The following TTC38 variants were observed in gnomAD, a reference collection of about 807,000 sequenced individuals.
TTC38 encodes tetratricopeptide repeat domain 38, also known as tetratricopeptide repeat protein 38.
A neutral mutation model predicts 64.2 loss-of-function variants in TTC38; 64 were observed. The observed-to-expected ratio is 1.00, with a 90% CI of 0.81 to 1.23. The LOEUF is 1.23. TTC38 is among the 50% of genes most tolerant of loss of function. The probability of loss-of-function intolerance (pLI) is 0.00; values close to 1 mark genes in which losing one functional copy is unlikely to be tolerated. For missense variants in TTC38, 573 were observed against 615.5 expected (o/e 0.93, Z 0.73); for synonymous variants, 254 against 249.3 (o/e 1.02, Z -0.18).
intron 12 of TTC38, 132 bp from the exon 13 acceptor site, chr22:46,289,694 G>A (rs1014708169): frequency 2.6e-5 from 38 of 1,454,886 alleles, no homozygotes; most frequent in Middle Eastern, 1.8e-4. Flanking sequence ...CACTCCCGCC[G>A]TGTAAGTTCG....
Position 46,285,279 on chromosome 22 carries a change from C to T in TTC38, c.834C>T (p.His278=), listed in dbSNP as rs757920056. Reference sequence around the variant, plus strand: ...CCGCGCTGACCATCTACGATACCCACGTAAGTTGCATTCACACCGTGTTTG... The same window carrying T: ...CCGCGCTGACCATCTACGATACCCATGTAAGTTGCATTCACACCGTGTTTG... The part of the protein sequence containing the change: ...YEAALTIYDT[H]ILPSLQANDA... The change falls in exon 9 of 14, where the codon CAC becomes CAT. Residue 278 remains histidine, a splice_region_variant and synonymous_variant. Transcript: ENST00000381031. The T allele has an allele frequency of 1.6e-5, 26 of 1,614,006 alleles. No homozygotes were observed. Among genetic ancestry groups the T allele is most frequent in the South Asian group, 4.4e-5 (4 of 91,088 alleles).
intron 2 of TTC38, chr22:46,269,165 C>A: frequency 2.3e-6 from 1 of 430,444 alleles, no homozygotes; most frequent in Non-Finnish European, 4.8e-6. Context: ...GGGTGGACAG[C>A]GGTGGGTGCA....
At chr22:46,283,864 AAAAAAAAAAAAAAAG>A in intron 7 of TTC38, 94 bp from the exon 8 acceptor site, 1 of 614,592 alleles carries the variant, frequency 1.6e-6, no homozygotes, top group Non-Finnish European at 2.5e-6. Flanking sequence ...AAAAAAAAAA[AAAAAAAAAAAAAAAG>A]ATGATGGTTT....
At position 46,273,554 on chromosome 22, in the gene TTC38, G is replaced by A. The variant is rs1203182242; in HGVS notation, c.194-344G>A. 1.3e-5 allele frequency among the ~76,000 whole-genome samples: 2 copies of A among 152,244 alleles called. No homozygotes were observed. Among genetic ancestry groups the A allele is most frequent in the Admixed American group, 6.5e-5 (1 of 15,288 alleles). ...TGAGCAGCATCCACTGATGCCTCCC[G>A]GGAGCCGTGTGCTGGCTGTGGCGGT... On this transcript the variant is annotated intron_variant, in intron 3 of 13. Transcript: ENST00000381031. The surrounding 1 kb of genome is among the most constrained non-coding windows in gnomAD (Gnocchi z 5.1).
Position 46,291,419 on chromosome 22 carries a change from G to T in TTC38, c.1317-1372G>T, listed in dbSNP as rs1042024782. On this transcript the variant is annotated intron_variant, in intron 13 of 13. Transcript: ENST00000381031. The surrounding 1 kb of genome is among the most constrained non-coding windows in gnomAD (Gnocchi z 4.6). ...GGGAGAGCAGGCTGCACAGGGAGCC[G>T]ACTGCATTAGGAGACGTGGAGGGGG... Among the ~76,000 whole-genome samples, 1 of 152,096 alleles carries T rather than the reference G, an allele frequency of 6.6e-6. No homozygotes were observed. Among genetic ancestry groups the T allele is most frequent in the Non-Finnish European group, 1.5e-5 (1 of 68,020 alleles).
Position 46,268,556 on chromosome 22 carries a change from G to A in TTC38, c.76G>A (p.Glu26Lys), listed in dbSNP as rs1936815074. The A allele has an allele frequency of 3.7e-6, 6 of 1,614,074 alleles. No individual in the cohort carries two copies. The highest frequency in any genetic ancestry group is 5.1e-6 in the Non-Finnish European group (6 of 1,180,044). ...ARLPLSTTSN[E>K]ACKLFDATLT... ...GCTCCCGCTCTCCACCACAAGCAACGAAGCCTGCAAGCTGTTCGATGCCAC... is the reference window on the plus strand; with the variant it reads ...GCTCCCGCTCTCCACCACAAGCAACAAAGCCTGCAAGCTGTTCGATGCCAC... The change falls in exon 2 of 14, where the codon GAA becomes AAA. Residue 26 changes from glutamate (E) to lysine (K), a missense_variant. This residue lies in a region of TTC38 where 134 missense variants were observed against 126.5 expected (regional missense o/e 1.06). Coordinates refer to ENST00000381031, the MANE Select transcript of TTC38 (RefSeq NM_017931.4).
chr22:46,290,145 CTA>C, intron 13 of TTC38, among the ~76,000 whole-genome samples: 1 of 152,328 alleles, frequency 6.6e-6, no homozygotes, highest in East Asian at 1.9e-4. Flanking sequence ...CCTTGCTAAG[CTA>C]CCTGGGTACG....
intron 9 of TTC38, among the ~76,000 whole-genome samples, chr22:46,286,661 C>CA (rs75063671): frequency 0.017 from 1,977 of 113,018 alleles, 44 homozygotes; most frequent in African/African-American, 0.056. Flanking sequence ...GACCCTATCT[C>CA]AAAAAAAAAA....
intron 6 of TTC38, 56 bp downstream of exon 6, chr22:46,278,717 C>A: frequency 7.0e-7 from 1 of 1,418,978 alleles, no homozygotes; most frequent in Non-Finnish European, 1.0e-6. Flanking sequence ...GTTGGCTGGA[C>A]CAGGGCATAT....
In TTC38 at chr22:46,293,579, T is replaced by C. The variant is rs1320297822; in HGVS notation, c.*695T>C. 2 of 152,248 alleles carry C rather than the reference T, an allele frequency of 1.3e-5. No homozygotes were observed. Among genetic ancestry groups the C allele is most frequent in the African/African-American group, 2.4e-5 (1 of 41,430 alleles). The allele number at this position is 152,248 out of a possible 1,614,324, so 9.4% of individuals were successfully genotyped here. ...GGTGCTGATTTGGACCCGTTTCTCTTTTTAAACTGCACATCATAACAGGGC... is the reference window on the plus strand; with the variant it reads ...GGTGCTGATTTGGACCCGTTTCTCTCTTTAAACTGCACATCATAACAGGGC... On this transcript the variant is annotated 3_prime_UTR_variant, in exon 14 of 14. Coordinates refer to ENST00000381031, the MANE Select transcript of TTC38 (RefSeq NM_017931.4). This position sits in a 1 kb window ranked among gnomAD's most constrained non-coding sequence, Gnocchi z 6.6.
rs992854266 is a variant in TTC38 at position 46,288,321 on chromosome 22, G to T, written c.917-102G>T. 9.6e-6 allele frequency: 12 copies of T among 1,256,160 alleles called. No homozygotes were observed. In the African/African-American group the frequency reaches 1.8e-4, roughly 19 times the overall value. 77.8% of individuals were successfully genotyped at this position (1,256,160 alleles called of 1,614,324 possible). ...CTCCCCGGCCTCTCACCTGGGACAG[G>T]GTCATCAAGGCCTCCAAGGGAAGCG... On this transcript the variant is annotated intron_variant, in intron 10 of 13. Transcript: ENST00000381031.
intron 2 of TTC38, among the ~76,000 whole-genome samples, chr22:46,269,941 C>T (rs1936858387): frequency 6.6e-6 from 1 of 152,152 alleles, no homozygotes; most frequent in African/African-American, 2.4e-5. Flanking sequence ...TATAGGCACG[C>T]ACCATCATAC....
intron 13 of TTC38, among the ~76,000 whole-genome samples, chr22:46,290,626 G>A (rs1209406934): frequency 2.9e-5 from 4 of 137,558 alleles, no homozygotes; most frequent in African/African-American, 6.3e-5. Flanking sequence ...GGAGGGTGGC[G>A]TGGCTGGAAG....
rs527287853 is a variant in TTC38 at position 46,273,496 on chromosome 22, T to G, written c.194-402T>G. 2.5e-4 allele frequency among the ~76,000 whole-genome samples: 38 copies of G among 152,350 alleles called. 1 individual carries two copies. The Middle Eastern group carries it at 0.014, about 55-fold the overall frequency. On this transcript the variant is annotated intron_variant, in intron 3 of 13. Coordinates refer to ENST00000381031, the MANE Select transcript of TTC38 (RefSeq NM_017931.4). This position sits in a 1 kb window ranked among gnomAD's most constrained non-coding sequence, Gnocchi z 5.1. Reference sequence around the variant, plus strand: ...GCAGCACAGATGGGATCATGACTTCTGTGCTCCGGGGCCTCCTTGGTCCAG... The same window carrying G: ...GCAGCACAGATGGGATCATGACTTCGGTGCTCCGGGGCCTCCTTGGTCCAG...
In TTC38 at chr22:46,291,111, G is replaced by A. The variant is rs1448325134; in HGVS notation, c.1316+1212G>A. ...TCTGTGGTACTCATGAAACAGGTCTGGCTGGCAGCACTGGAACCGCCTAGA... is the reference window on the plus strand; with the variant it reads ...TCTGTGGTACTCATGAAACAGGTCTAGCTGGCAGCACTGGAACCGCCTAGA... On this transcript the variant is annotated intron_variant, in intron 13 of 13. Transcript: ENST00000381031. The surrounding 1 kb of genome is among the most constrained non-coding windows in gnomAD (Gnocchi z 4.6). Among the ~76,000 whole-genome samples, 1 of 152,230 alleles carries A rather than the reference G, an allele frequency of 6.6e-6. No individual in the cohort carries two copies. Among genetic ancestry groups the A allele is most frequent in the East Asian group, 1.9e-4 (1 of 5,204 alleles).
At chr22:46,287,752 A>G (rs996841147) in intron 10 of TTC38, among the ~76,000 whole-genome samples, 4 of 152,216 alleles carry the variant, frequency 2.6e-5, no homozygotes, top group African/African-American at 9.7e-5. Context: ...TGAGCAATTC[A>G]GGGACCTGAG....
chr22:46,273,918 A>C lies in TTC38; in HGVS notation c.214A>C (p.Thr72Pro), dbSNP rs1601867954. The change falls in exon 4 of 14, where the codon ACT becomes CCT. Residue 72 changes from threonine to proline, a missense_variant. Coordinates refer to ENST00000381031, the MANE Select transcript of TTC38 (RefSeq NM_017931.4). The surrounding 1 kb of genome is among the most constrained non-coding windows in gnomAD (Gnocchi z 5.1). ...PTFVMGHAMA[T>P]GLVLIGTGSS... ...ACCAGTGATGGGCCACGCCATGGCTACTGGCCTTGTGCTGATTGGCACTGG... is the reference window on the plus strand; with the variant it reads ...ACCAGTGATGGGCCACGCCATGGCTCCTGGCCTTGTGCTGATTGGCACTGG... 6.2e-7 allele frequency: 1 copy of C among 1,614,110 alleles called. No homozygotes were observed. The highest frequency in any genetic ancestry group is 8.5e-7 in the Non-Finnish European group (1 of 1,180,036).
chr22:46,268,578 C>T lies in TTC38; in HGVS notation c.98C>T (p.Ala33Val). Residue 33 changes from alanine to valine, a missense_variant, in exon 2 of 14, where the codon GCC becomes GTC. Ala to Val is a moderately conservative substitution (Grantham distance 64). Around this residue, in one of 3 missense-constraint regions of TTC38, gnomAD observed 134 missense variants for 126.5 expected, o/e 1.06. Transcript: ENST00000381031. ...TSNEACKLFDATLTQYVKWTN... is the reference protein window; with the variant it reads ...TSNEACKLFDVTLTQYVKWTN... ...AACGAAGCCTGCAAGCTGTTCGATGCCACGCTGACCCAGGTATGCCTGCCG... is the reference window on the plus strand; with the variant it reads ...AACGAAGCCTGCAAGCTGTTCGATGTCACGCTGACCCAGGTATGCCTGCCG... 6 of 1,613,918 alleles carry T rather than the reference C, an allele frequency of 3.7e-6. No homozygotes were observed. Among genetic ancestry groups the T allele is most frequent in the Non-Finnish European group, 5.1e-6 (6 of 1,180,026 alleles).
At chr22:46,279,812 G>A (rs918043315) in intron 6 of TTC38, among the ~76,000 whole-genome samples, 1 of 152,206 alleles carries the variant, frequency 6.6e-6, no homozygotes, top group Non-Finnish European at 1.5e-5. Flanking sequence ...GGGGTCAGCT[G>A]TAGGAAAGTC....
Sources: allele counts gnomAD v4.1 joint callset (sites outside exome capture counted in the v4.1 genomes callset), GRCh38; gene constraint gnomAD v4.1.1; regional missense constraint gnomAD v4.1.1; non-coding constraint Gnocchi (gnomAD v3.1); transcripts MANE v1.5; gene names NCBI Gene and HGNC (gene_info 2026-07-23, HGNC 2026-07-21).